The following PRR5 variants were observed in gnomAD, a reference collection of about 807,000 sequenced individuals.
The protein encoded by PRR5 is proline rich 5, also known as proline-rich protein 5.
In PRR5, 25 loss-of-function variants were observed where a neutral mutation model predicts 30.6. That is an observed-to-expected ratio of 0.82 (90% confidence interval 0.60 to 1.14). The LOEUF is 1.14. Ranked by LOEUF, PRR5 falls within the 50% of genes most tolerant of loss-of-function variation. The pLI is 0.00. For synonymous variants in PRR5, 286 were observed against 247.1 expected, an observed-to-expected ratio of 1.16 and a Z score of -1.48; for missense variants, 600 against 547.1, an observed-to-expected ratio of 1.10 and a Z score of -0.96.
chr22:44,702,758 A>AG, intron 1 of PRR5, 150 bp downstream of exon 1: 1 of 1,169,162 alleles, frequency 8.6e-7, no homozygotes, highest in Non-Finnish European at 1.1e-6. Context: ...GCCCCGCCGG[A>AG]GTGGTGCGGG....
chr22:44,702,223 T>A lies in PRR5; in HGVS notation c.-252T>A. 1.8e-6 allele frequency: 2 copies of A among 1,089,774 alleles called. No homozygotes were observed. The highest frequency in any genetic ancestry group is 2.2e-6 in the Non-Finnish European group (2 of 895,244). The allele number at this position is 1,089,774 out of a possible 1,614,324, so 67.5% of individuals were successfully genotyped here. On this transcript the variant is annotated 5_prime_UTR_variant, in exon 1 of 8. Transcript: ENST00000336985. ...GCCCCCGGCCTCCGTTTGCGCCGGG[T>A]CTGTGCTGGCCGCGCGCCTGGCGCT... is the stretch of plus-strand genomic sequence containing the variant.
chr22:44,696,682 C>G (rs1377090234), intron 1 of PRR5, among the ~76,000 whole-genome samples: 1 of 151,866 alleles, frequency 6.6e-6, no homozygotes, highest in Non-Finnish European at 1.5e-5. Context: ...ACCTTCAAAC[C>G]TCAAGGCTGC....
At chr22:44,718,957 T>C (rs1053449336) in intron 2 of PRR5, among the ~76,000 whole-genome samples, 12 of 152,378 alleles carry the variant, frequency 7.9e-5, no homozygotes, top group Middle Eastern at 3.4e-3. Context: ...CATTTCACTT[T>C]ATTTCTGTGT....
At chr22:44,688,730 G>A (rs1001782022) in intron 1 of PRR5, among the ~76,000 whole-genome samples, 2 of 152,288 alleles carry the variant, frequency 1.3e-5, no homozygotes, top group South Asian at 2.1e-4. Context: ...GCTCACGCCT[G>A]TAATTCCAGC....
Position 44,705,282 on chromosome 22 carries a change from G to C in PRR5, c.134+2674G>C, listed in dbSNP as rs575306242. ...TCACTCCAATATGTACCTCCCCATG[G>C]CTTTCATTTCCACGTCCAAATCTCC... On this transcript the variant is annotated intron_variant, in intron 1 of 7. Transcript: ENST00000336985. 9.2e-4 allele frequency among the ~76,000 whole-genome samples: 139 copies of C among 151,874 alleles called. 1 individual carries two copies. The highest frequency in any genetic ancestry group is 3.3e-3 in the African/African-American group (139 of 41,504).
At chr22:44,714,725 G>A (rs1482976817) in intron 2 of PRR5, 54 bp downstream of exon 2, 10 of 1,602,296 alleles carry the variant, frequency 6.2e-6, no homozygotes, top group African/African-American at 2.7e-5. Flanking sequence ...GGAGGGCTAG[G>A]CCCAGAGTCG....
intron 1 of PRR5, among the ~76,000 whole-genome samples, chr22:44,686,260 A>G (rs1924740209): frequency 7.2e-6 from 1 of 139,630 alleles, no homozygotes; most frequent in Non-Finnish European, 1.6e-5. Context: ...AAACAAAAAG[A>G]AAAGAAAAAG....
At chr22:44,677,736 G>T (rs1377957565) in intron 1 of PRR5, among the ~76,000 whole-genome samples, 3 of 152,320 alleles carry the variant, frequency 2.0e-5, no homozygotes, top group African/African-American at 4.8e-5. Flanking sequence ...GCCTGGGCCT[G>T]CTCACATGCT....
chr22:44,716,877 A>G (rs965997975), intron 2 of PRR5, among the ~76,000 whole-genome samples: 8 of 152,136 alleles, frequency 5.3e-5, no homozygotes, highest in Non-Finnish European at 1.2e-4. Flanking sequence ...CCTGGGCAAC[A>G]TGGTGAAACC....
In PRR5 at chr22:44,691,742, C is replaced by G. The variant is rs1925258555; in HGVS notation, c.-10-10750C>G. Among the ~76,000 whole-genome samples the G allele has an allele frequency of 6.6e-6, 1 of 152,048 alleles. No individual in the cohort carries two copies. Among genetic ancestry groups the G allele is most frequent in the South Asian group, 2.1e-4 (1 of 4,824 alleles). The stretch of plus-strand genomic sequence containing the variant: ...TGAGCCGAGATTGCACCACTGCATT[C>G]CAGCCTGCGCGACGGGAGCAAGACT... On this transcript the variant is annotated intron_variant, in intron 1 of 8. Transcript: ENST00000006251. This position sits in a 1 kb window ranked among gnomAD's most constrained non-coding sequence, Gnocchi z 4.4.
intron 1 of PRR5, among the ~76,000 whole-genome samples, chr22:44,706,048 C>T (rs1032722296): frequency 6.6e-5 from 10 of 152,144 alleles, no homozygotes; most frequent in Admixed American, 2.0e-4. Context: ...GATCCGCCTG[C>T]CTCAGCCTCC....
At chr22:44,735,469 A>G (rs1923046122) in intron 7 of PRR5, among the ~76,000 whole-genome samples, 1 of 152,174 alleles carries the variant, frequency 6.6e-6, no homozygotes, top group Admixed American at 6.5e-5. Flanking sequence ...AGTGCTCGGA[A>G]CATGCAAATG....
Position 44,736,807 on chromosome 22 carries a change from G to A in PRR5, c.727G>A (p.Val243Met), listed in dbSNP as rs36082900. ...RLLRRSRSGD[V>M]LAKNPVVRSK... ...CCTCCGCCGCTCCCGCTCGGGGGAC[G>A]TGCTGGCCAAGAACCCTGTGGTGCG... The change falls in exon 8 of 8, where the codon GTG (valine) becomes ATG (methionine). Residue 243 changes from valine (V) to methionine (M), a missense_variant. Coordinates refer to ENST00000336985, the MANE Select transcript of PRR5 (RefSeq NM_181333.4). The A allele has an allele frequency of 0.061, 95,728 of 1,574,598 alleles. 3,519 individuals are homozygous for A. The highest frequency in any genetic ancestry group is 0.19 in the East Asian group (8,243 of 43,994).
intron 4 of PRR5, 151 bp from the exon 5 acceptor site, chr22:44,731,579 C>A: frequency 1.4e-6 from 1 of 701,878 alleles, no homozygotes; most frequent in Admixed American, 2.2e-5. Flanking sequence ...AACAGCTGAG[C>A]TGTGGAGCTG....
At chr22:44,696,835 C>G (rs989367845) in intron 1 of PRR5, among the ~76,000 whole-genome samples, 7 of 152,080 alleles carry the variant, frequency 4.6e-5, no homozygotes, top group African/African-American at 1.4e-4. Flanking sequence ...TTCCAGGGTT[C>G]GAGCGATTCT....
intron 6 of PRR5, among the ~76,000 whole-genome samples, chr22:44,732,787 ATACTACATGTGCACACG>A (rs1569111323): frequency 1.7e-5 from 2 of 119,254 alleles, no homozygotes; most frequent in East Asian, 3.3e-4. Context: ...GTGCACGCAC[ATACTACATGTGCACACG>A]CATACACACT....
chr22:44,721,063 C>T (rs1408520460), intron 2 of PRR5, among the ~76,000 whole-genome samples: 4 of 152,216 alleles, frequency 2.6e-5, no homozygotes, highest in Non-Finnish European at 2.9e-5. Flanking sequence ...AAAGGCTTTT[C>T]TGAGCTACAG....
At position 44,702,453 on chromosome 22, in the gene PRR5, G is replaced by C; in HGVS notation, c.-22G>C. ...CGCGGCGTGGGGCGCGCGTGGGCGC[G>C]GCGCAGGCGGCCCGGGTCACCATGA... On this transcript the variant is annotated 5_prime_UTR_variant, in exon 1 of 8. Transcript: ENST00000336985. The C allele has an allele frequency of 7.6e-7, 1 of 1,322,942 alleles. No homozygotes were observed. Among genetic ancestry groups the C allele is most frequent in the South Asian group, 2.2e-5 (1 of 46,488 alleles). The allele number at this position is 1,322,942 out of a possible 1,614,324, so 82.0% of individuals were successfully genotyped here. A position where few individuals can be genotyped will look rare whatever the true frequency, so the allele number is the denominator to read the frequency against.
intron 4 of PRR5, among the ~76,000 whole-genome samples, chr22:44,727,437 A>G (rs1305725866): frequency 6.6e-6 from 1 of 152,200 alleles, no homozygotes; most frequent in East Asian, 1.9e-4. Context: ...GCACCTGTGC[A>G]CTAGGCACCG....
Sources: gnomAD v4.1 joint callset for allele counts (sites outside exome capture counted in the v4.1 genomes callset) on GRCh38, gnomAD v4.1.1 for gene constraint, Gnocchi (gnomAD v3.1) non-coding constraint, MANE v1.5 for transcripts, NCBI Gene and HGNC (gene_info 2026-07-23, HGNC 2026-07-21) for gene names.